MACROD2: variants seen among roughly 807,000 people sequenced by gnomAD.
MACROD2 encodes ADP-ribose glycohydrolase MACROD2.
MACROD2 carries 36 observed loss-of-function variants against 70.4 expected under a neutral mutation model. The ratio of observed to expected loss-of-function variants is 0.51; its 90% CI spans 0.39 to 0.68. MACROD2 has a LOEUF of 0.68. Among genes scored for constraint, MACROD2 ranks in the 30% least tolerant of loss-of-function variants. MACROD2 has a pLI of 0.00. For synonymous variants in MACROD2, 172 were observed against 178.8 expected (o/e 0.96, Z 0.30); for missense variants, 496 against 538.4 (o/e 0.92, Z 0.78).
intron 5 of MACROD2, among the ~76,000 whole-genome samples, chr20:14,992,537 T>C (rs982537249): frequency 7.9e-5 from 12 of 152,166 alleles, no homozygotes; most frequent in African/African-American, 2.4e-4. Context: ...AGCTGACTGT[T>C]GCCATATATA....
intron 8 of MACROD2, among the ~76,000 whole-genome samples, chr20:15,826,426 C>A (rs531185152): frequency 6.6e-6 from 1 of 152,164 alleles, no homozygotes; most frequent in South Asian, 2.1e-4. Flanking sequence ...TTTAGAAGTT[C>A]TTTAATGCAG....
At chr20:14,461,276 C>T (rs1055617984) in intron 3 of MACROD2, among the ~76,000 whole-genome samples, 2 of 151,954 alleles carry the variant, frequency 1.3e-5, no homozygotes, top group African/African-American at 4.8e-5. Context: ...GTGATCGCCC[C>T]TTTATCATTG....
At chr20:15,147,162 A>G (rs1441101510) in intron 5 of MACROD2, among the ~76,000 whole-genome samples, 2 of 152,174 alleles carry the variant, frequency 1.3e-5, no homozygotes, top group Non-Finnish European at 2.9e-5. Context: ...TCCACATGGC[A>G]TATTCAAGAT....
intron 5 of MACROD2, among the ~76,000 whole-genome samples, chr20:14,721,142 C>A (rs1299976143): frequency 2.0e-5 from 3 of 151,054 alleles, no homozygotes; most frequent in African/African-American, 7.3e-5. Context: ...GTAGTCCCAG[C>A]TACTCGGGAG....
intron 5 of MACROD2, among the ~76,000 whole-genome samples, chr20:15,098,590 G>C (rs942116790): frequency 6.6e-6 from 1 of 152,196 alleles, no homozygotes; most frequent in Non-Finnish European, 1.5e-5. Flanking sequence ...CACTATGCGA[G>C]GCATCATGCT....
chr20:15,468,190 C>T (rs2046919705), intron 7 of MACROD2, among the ~76,000 whole-genome samples: 1 of 151,956 alleles, frequency 6.6e-6, no homozygotes, highest in Non-Finnish European at 1.5e-5. Flanking sequence ...ATGCAGGATC[C>T]ACATCAACTA....
At chr20:15,170,657 T>G (rs2076416280) in intron 5 of MACROD2, among the ~76,000 whole-genome samples, 1 of 152,122 alleles carries the variant, frequency 6.6e-6, no homozygotes, top group South Asian at 2.1e-4. Flanking sequence ...AGATTCATAC[T>G]CTGGCCAACT....
intron 5 of MACROD2, among the ~76,000 whole-genome samples, chr20:15,166,964 TATTAA>T (rs974675386): frequency 1.7e-4 from 26 of 150,852 alleles, no homozygotes; most frequent in African/African-American, 6.0e-4. Context: ...ATTATTTAAG[TATTAA>T]ATTTAAGTAT....
intron 6 of MACROD2, among the ~76,000 whole-genome samples, chr20:15,362,016 T>TTC (rs61523204): frequency 6.6e-6 from 1 of 151,530 alleles, no homozygotes; most frequent in African/African-American, 2.4e-5. Context: ...TCCTTTTTTT[T>TTC]TTTTTTCTTT....
At chr20:14,375,698 T>C (rs2083364857) in intron 3 of MACROD2, among the ~76,000 whole-genome samples, 2 of 152,166 alleles carry the variant, frequency 1.3e-5, no homozygotes, top group Non-Finnish European at 2.9e-5. Flanking sequence ...CTAGCTTTCA[T>C]GTGAATGAAT....
At chr20:15,184,347 C>T (rs1033529012) in intron 5 of MACROD2, among the ~76,000 whole-genome samples, 51 of 152,142 alleles carry the variant, frequency 3.4e-4, no homozygotes, top group African/African-American at 1.2e-3. Context: ...CCTGCTCTGT[C>T]CACTGCCCCC....
chr20:14,731,876 G>A (rs935805627), intron 5 of MACROD2, among the ~76,000 whole-genome samples: 11 of 152,180 alleles, frequency 7.2e-5, no homozygotes, highest in African/African-American at 2.6e-4. Context: ...TATTTGCAAA[G>A]ATTTAAACAA....
intron 5 of MACROD2, among the ~76,000 whole-genome samples, chr20:14,841,548 A>G (rs898130096): frequency 1.3e-5 from 2 of 152,040 alleles, no homozygotes; most frequent in African/African-American, 4.8e-5. Flanking sequence ...GAATATAGAA[A>G]GGCAGCCCTT....
chr20:14,125,226 G>A (rs1288386845), intron 3 of MACROD2, among the ~76,000 whole-genome samples: 6 of 152,090 alleles, frequency 3.9e-5, no homozygotes, highest in Admixed American at 2.0e-4. Flanking sequence ...CTAGATAAAG[G>A]TGGTGGTTGC....
chr20:15,507,202 T>C (rs1022502058), intron 8 of MACROD2, among the ~76,000 whole-genome samples: 1 of 151,998 alleles, frequency 6.6e-6, no homozygotes, highest in African/African-American at 2.4e-5. Flanking sequence ...CATTTTATAT[T>C]TTCTCTCTAC....
intron 5 of MACROD2, among the ~76,000 whole-genome samples, chr20:15,085,149 A>C (rs1431972869): frequency 6.6e-6 from 1 of 152,194 alleles, no homozygotes; most frequent in Non-Finnish European, 1.5e-5. Flanking sequence ...ACAATTCAGT[A>C]GAGGAAAGAA....
At chr20:14,289,655 C>A (rs1176651926) in intron 3 of MACROD2, among the ~76,000 whole-genome samples, 2 of 152,190 alleles carry the variant, frequency 1.3e-5, no homozygotes, top group East Asian at 3.9e-4. Context: ...GAACCTCCCA[C>A]CTCAGCCTCC....
chr20:15,826,243 A>G lies in MACROD2; in HGVS notation c.646-36502A>G, dbSNP rs1442853981. Among the ~76,000 whole-genome samples, 4 of 152,326 alleles carry G rather than the reference A, an allele frequency of 2.6e-5. No individual in the cohort carries two copies. In the South Asian group the frequency reaches 6.2e-4, roughly 24 times the overall value. Reference sequence around the variant, plus strand: ...CTGGACTTCAGATACCTCACTTCAAATTGTATTATTTCACATTATTGTTGT... The same window carrying G: ...CTGGACTTCAGATACCTCACTTCAAGTTGTATTATTTCACATTATTGTTGT... On this transcript the variant is annotated intron_variant, in intron 8 of 17. Transcript: ENST00000684519.
intron 8 of MACROD2, among the ~76,000 whole-genome samples, chr20:15,694,106 A>G (rs117498217): frequency 0.044 from 6,699 of 152,174 alleles, 293 homozygotes; most frequent in East Asian, 0.21. Context: ...TTCTTTAGCC[A>G]CTTGTTGATT....
Sources: gnomAD v4.1 joint callset for allele counts (sites outside exome capture counted in the v4.1 genomes callset) on GRCh38, gnomAD v4.1.1 for gene constraint, MANE v1.5 for transcripts, NCBI Gene and HGNC (gene_info 2026-07-23, HGNC 2026-07-21) for gene names.